The following PDE4D variants were observed in gnomAD, a reference collection of about 807,000 sequenced individuals.
PDE4D encodes the protein phosphodiesterase 4D.
In PDE4D, 24 loss-of-function variants were observed where a neutral mutation model predicts 87.4. That is an observed-to-expected ratio of 0.27 (90% confidence interval 0.20 to 0.39). PDE4D has a LOEUF of 0.39. Ranked by LOEUF, PDE4D falls within the 10% of genes least tolerant of loss-of-function variation. The probability of loss-of-function intolerance (pLI) is 1.00; values close to 1 mark genes in which losing one functional copy is unlikely to be tolerated. For synonymous variants in PDE4D, 384 were observed against 383.2 expected, an observed-to-expected ratio of 1.00 and a Z score of -0.02; for missense variants, 714 against 1,041.0, an observed-to-expected ratio of 0.69 and a Z score of 4.32.
chr5:59,629,737 T>A (rs1414395926), intron 1 of PDE4D, among the ~76,000 whole-genome samples: 1 of 152,218 alleles, frequency 6.6e-6, no homozygotes, highest in Non-Finnish European at 1.5e-5. Context: ...AAATTGCGCA[T>A]GTCATTTAAT....
intron 1 of PDE4D, among the ~76,000 whole-genome samples, chr5:59,274,008 G>C (rs981792362): frequency 1.3e-5 from 2 of 152,022 alleles, no homozygotes; most frequent in Admixed American, 1.3e-4. Context: ...CATAGGAATG[G>C]TATAAATTAT....
chr5:60,381,185 G>A (rs1761831596), intron 1 of PDE4D, among the ~76,000 whole-genome samples: 1 of 152,146 alleles, frequency 6.6e-6, no homozygotes, highest in Non-Finnish European at 1.5e-5. Context: ...CTTCTCTGAG[G>A]AGCTGAAGTC....
intron 1 of PDE4D, among the ~76,000 whole-genome samples, chr5:59,693,815 G>A (rs549706755): frequency 6.6e-6 from 1 of 152,196 alleles, no homozygotes; most frequent in East Asian, 1.9e-4. Flanking sequence ...AGCAGATAAA[G>A]GAAAGAATCT....
chr5:59,607,121 G>T (rs1054224536), intron 1 of PDE4D, among the ~76,000 whole-genome samples: 1 of 151,996 alleles, frequency 6.6e-6, no homozygotes, highest in Admixed American at 6.6e-5. Flanking sequence ...GTAGAATTAG[G>T]CTGTAATTTG....
chr5:59,215,654 C>T (rs1010055571), intron 2 of PDE4D, 123 bp downstream of exon 2: 7 of 771,130 alleles, frequency 9.1e-6, no homozygotes, highest in South Asian at 3.5e-5. Context: ...TAATTTTATT[C>T]ATATTCTTTC....
intron 5 of PDE4D, among the ~76,000 whole-genome samples, chr5:59,078,232 T>C (rs1040021605): frequency 1.3e-5 from 2 of 152,220 alleles, no homozygotes; most frequent in Non-Finnish European, 1.5e-5. Flanking sequence ...AAACTTGATA[T>C]ACATACTATG....
chr5:59,836,339 A>G (rs1345977429), intron 1 of PDE4D, among the ~76,000 whole-genome samples: 1 of 152,056 alleles, frequency 6.6e-6, no homozygotes, highest in East Asian at 1.9e-4. Context: ...TCTTCAACAA[A>G]TATGTATTTC....
At chr5:59,018,438 G>T (rs1031493396) in intron 6 of PDE4D, among the ~76,000 whole-genome samples, 2 of 152,090 alleles carry the variant, frequency 1.3e-5, no homozygotes, top group Non-Finnish European at 2.9e-5. Context: ...TATCATTCTT[G>T]CAAAGAAGCT....
At chr5:59,762,611 T>TAC (rs1490808514) in intron 1 of PDE4D, among the ~76,000 whole-genome samples, 12 of 140,640 alleles carry the variant, frequency 8.5e-5, no homozygotes, top group African/African-American at 2.5e-4. Flanking sequence ...TGTATATAGG[T>TAC]ACATATGTGT....
At chr5:60,116,152 GT>G (rs554882596) in intron 2 of PDE4D, among the ~76,000 whole-genome samples, 265 of 152,170 alleles carry the variant, frequency 1.7e-3, no homozygotes, top group African/African-American at 6.0e-3. Flanking sequence ...CATAATTCAA[GT>G]CTATGGGAGG....
At chr5:59,054,137 A>G (rs911501015) in intron 5 of PDE4D, among the ~76,000 whole-genome samples, 1 of 152,142 alleles carries the variant, frequency 6.6e-6, no homozygotes, top group Non-Finnish European at 1.5e-5. Flanking sequence ...GTCCACCTTG[A>G]AAGTGTCTTT....
chr5:59,180,753 G>T, intron 4 of PDE4D, 109 bp from the exon 5 acceptor site: 1 of 1,027,692 alleles, frequency 9.7e-7, no homozygotes. Context: ...TTATTTTTAA[G>T]TTTGGACACG....
At chr5:59,132,223 A>C (rs1776392563) in intron 5 of PDE4D, among the ~76,000 whole-genome samples, 1 of 152,196 alleles carries the variant, frequency 6.6e-6, no homozygotes, top group African/African-American at 2.4e-5. Context: ...ATAACCCTTG[A>C]AAGTAAAATT....
intron 3 of PDE4D, among the ~76,000 whole-genome samples, chr5:59,980,041 T>C (rs370623105): frequency 3.7e-4 from 56 of 152,348 alleles, no homozygotes; most frequent in African/African-American, 1.3e-3. Context: ...ACTCTGGTCA[T>C]GTTAAGTTTG....
At chr5:59,657,600 T>C (rs1413243049) in intron 1 of PDE4D, among the ~76,000 whole-genome samples, 2 of 152,184 alleles carry the variant, frequency 1.3e-5, no homozygotes, top group African/African-American at 4.8e-5. Flanking sequence ...AACATTTATA[T>C]ATAGTATATA....
At chr5:59,453,823 A>G (rs1426288770) in intron 1 of PDE4D, among the ~76,000 whole-genome samples, 1 of 152,252 alleles carries the variant, frequency 6.6e-6, no homozygotes, top group Non-Finnish European at 1.5e-5. Context: ...CATTGAAACT[A>G]CATTAAACAA....
At chr5:60,337,388 T>TATATATATATATAC (rs66871903) in intron 1 of PDE4D, among the ~76,000 whole-genome samples, 147 of 89,308 alleles carry the variant, frequency 1.6e-3, no homozygotes, top group Non-Finnish European at 2.5e-3. Flanking sequence ...TATATATATA[T>TATATATATATATAC]ACACACACAC....
At chr5:59,690,172 CCAT>C (rs1490578790) in intron 1 of PDE4D, among the ~76,000 whole-genome samples, 3 of 152,166 alleles carry the variant, frequency 2.0e-5, no homozygotes, top group African/African-American at 7.2e-5. Flanking sequence ...AGTGCCATCC[CCAT>C]CAAGCTACCA....
intron 1 of PDE4D, among the ~76,000 whole-genome samples, chr5:59,257,691 C>T (rs1306184173): frequency 6.6e-6 from 1 of 151,900 alleles, no homozygotes; most frequent in South Asian, 2.1e-4. Flanking sequence ...GTGTCACTTG[C>T]TACTTAAAGT....
Sources: gnomAD v4.1 joint callset for allele counts (sites outside exome capture counted in the v4.1 genomes callset) on GRCh38, gnomAD v4.1.1 for gene constraint, MANE v1.5 for transcripts, NCBI Gene and HGNC (gene_info 2026-07-23, HGNC 2026-07-21) for gene names.